EYS: variants seen among roughly 807,000 people sequenced by gnomAD.
EYS encodes the protein protein eyes shut homolog.
A neutral mutation model predicts 282.1 loss-of-function variants in EYS; 250 were observed. That is an observed-to-expected ratio of 0.89 (90% CI 0.80 to 0.98). The LOEUF (loss-of-function observed/expected upper bound fraction) is 0.98, where lower values mean the gene tolerates loss of function less well. Ranked by LOEUF, EYS falls within the 50% of genes least tolerant of loss-of-function variation. The pLI, the probability that EYS is intolerant of heterozygous loss-of-function variation, is 0.00. For missense variants in EYS, 4,016 were observed against 3,709.0 expected (o/e 1.08, Z -2.15); for synonymous variants, 1,355 against 1,282.9 (o/e 1.06, Z -1.20).
At chr6:65,474,832 T>C (rs1467376463) in intron 5 of EYS, among the ~76,000 whole-genome samples, 3 of 151,988 alleles carry the variant, frequency 2.0e-5, no homozygotes, top group East Asian at 1.9e-4. Context: ...GTAGTGAAGA[T>C]GAAAGAGCAC....
intron 2 of EYS, among the ~76,000 whole-genome samples, chr6:65,599,913 T>A (rs1051491132): frequency 2.0e-5 from 3 of 152,070 alleles, no homozygotes; most frequent in Non-Finnish European, 4.4e-5. Context: ...AAAGAATTGG[T>A]TATGTGCTGT....
chr6:64,223,536 G>A (rs1212256780), intron 31 of EYS, among the ~76,000 whole-genome samples: 1 of 151,932 alleles, frequency 6.6e-6, no homozygotes, highest in African/African-American at 2.4e-5. Context: ...ACATGCTGTG[G>A]TACATTTTCT....
intron 2 of EYS, among the ~76,000 whole-genome samples, chr6:65,560,301 TAATATATAATATATTATTAATATAAC>T (rs948725334): frequency 2.1e-5 from 3 of 139,920 alleles, no homozygotes; most frequent in African/African-American, 8.4e-5. Context: ...TAACATATAA[TAATATATAATATATTATTAATATAAC>T]ATATAATATG....
chr6:65,022,835 T>C (rs1252134585), intron 13 of EYS, among the ~76,000 whole-genome samples: 2 of 149,832 alleles, frequency 1.3e-5, no homozygotes, highest in Non-Finnish European at 2.9e-5. Context: ...TTGTATGACA[T>C]AGTACAATGG....
chr6:64,343,630 C>A (rs1352569553), intron 29 of EYS, among the ~76,000 whole-genome samples: 4 of 151,710 alleles, frequency 2.6e-5, no homozygotes, highest in Non-Finnish European at 5.9e-5. Context: ...GGACACCCTA[C>A]CATCACAATT....
At chr6:64,715,489 T>G (rs1304116444) in intron 22 of EYS, among the ~76,000 whole-genome samples, 2 of 152,214 alleles carry the variant, frequency 1.3e-5, no homozygotes, top group Non-Finnish European at 2.9e-5. Context: ...AAGGCCACCA[T>G]CATTTGTGAT....
intron 36 of EYS, among the ~76,000 whole-genome samples, chr6:63,857,175 T>C (rs893800259): frequency 2.0e-5 from 3 of 152,196 alleles, no homozygotes; most frequent in Admixed American, 2.0e-4. Context: ...GGTGACTTCG[T>C]AGTCCGAGAT....
At chr6:65,119,370 G>C (rs17577106) in intron 12 of EYS, among the ~76,000 whole-genome samples, 1 of 152,042 alleles carries the variant, frequency 6.6e-6, no homozygotes, top group Non-Finnish European at 1.5e-5. Context: ...GAGCTACCAC[G>C]TCTAAACCTT....
chr6:65,408,142 A>C (rs1250966941), intron 5 of EYS, among the ~76,000 whole-genome samples: 1 of 152,094 alleles, frequency 6.6e-6, no homozygotes, highest in Non-Finnish European at 1.5e-5. Context: ...AAAAAATCGT[A>C]CTTTATCAGG....
chr6:64,535,999 T>C (rs1225304557), intron 26 of EYS, among the ~76,000 whole-genome samples: 1 of 152,108 alleles, frequency 6.6e-6, no homozygotes, highest in Non-Finnish European at 1.5e-5. Flanking sequence ...TTTTAATTCA[T>C]TGTTTTATTA....
intron 22 of EYS, among the ~76,000 whole-genome samples, chr6:64,646,608 C>A (rs1009829977): frequency 2.0e-5 from 3 of 151,836 alleles, no homozygotes; most frequent in East Asian, 3.9e-4. Context: ...TCAAGACCAT[C>A]CTGGCTAACA....
chr6:64,307,981 T>C (rs1279679631), intron 29 of EYS, among the ~76,000 whole-genome samples: 2 of 152,016 alleles, frequency 1.3e-5, no homozygotes. Flanking sequence ...AAGAAAAAAT[T>C]ACATAATTAC....
intron 35 of EYS, among the ~76,000 whole-genome samples, chr6:63,873,520 T>A (rs1413235298): frequency 6.6e-6 from 1 of 152,212 alleles, no homozygotes; most frequent in Non-Finnish European, 1.5e-5. Context: ...ATATGCCCAG[T>A]AATGGGATCG....
intron 35 of EYS, among the ~76,000 whole-genome samples, chr6:63,971,028 C>T (rs1427874034): frequency 6.6e-6 from 1 of 152,076 alleles, no homozygotes; most frequent in Non-Finnish European, 1.5e-5. Context: ...GGTTAATGTC[C>T]AACAGGACCA....
At chr6:64,916,003 C>T (rs768498149) in intron 15 of EYS, among the ~76,000 whole-genome samples, 2 of 151,718 alleles carry the variant, frequency 1.3e-5, no homozygotes, top group Non-Finnish European at 2.9e-5. Flanking sequence ...TGGGTATTAC[C>T]CAGTCTTAAG....
At chr6:64,577,507 C>T (rs1354916898) in intron 26 of EYS, among the ~76,000 whole-genome samples, 1 of 152,030 alleles carries the variant, frequency 6.6e-6, no homozygotes, top group Non-Finnish European at 1.5e-5. Flanking sequence ...CACTCACACA[C>T]ACACACAGAC....
At chr6:64,664,868 C>T (rs1053659863) in intron 22 of EYS, among the ~76,000 whole-genome samples, 6 of 152,066 alleles carry the variant, frequency 3.9e-5, no homozygotes, top group Admixed American at 2.0e-4. Flanking sequence ...GTTTACAAGC[C>T]GTCCAGTTTA....
chr6:63,892,186 A>T (rs1284539954), intron 35 of EYS, among the ~76,000 whole-genome samples: 1 of 152,236 alleles, frequency 6.6e-6, no homozygotes, highest in Non-Finnish European at 1.5e-5. Context: ...TGCTATTCCC[A>T]TCAAGCTACC....
intron 11 of EYS, chr6:65,303,382 A>G (rs1191376783): frequency 6.2e-7 from 1 of 1,607,142 alleles, no homozygotes; most frequent in South Asian, 1.1e-5. Context: ...TGGGGAAACG[A>G]AAATTTTCGA....
Sources: gnomAD v4.1 joint callset for allele counts (sites outside exome capture counted in the v4.1 genomes callset) on GRCh38, gnomAD v4.1.1 for gene constraint, MANE v1.5 for transcripts, NCBI Gene and HGNC (gene_info 2026-07-23, HGNC 2026-07-21) for gene names.